Variants in NFIB observed in about 807,000 individuals in gnomAD.
NFIB encodes nuclear factor 1 B-type.
NFIB carries 11 observed loss-of-function variants against 61.5 expected under a neutral mutation model. The ratio of observed to expected loss-of-function variants is 0.18; its 90% CI spans 0.11 to 0.30. The LOEUF is 0.30. Among genes scored for constraint, NFIB ranks in the 10% least tolerant of loss-of-function variants. The probability of loss-of-function intolerance (pLI) is 1.00; values close to 1 mark genes in which losing one functional copy is unlikely to be tolerated. For missense variants in NFIB, 471 were observed against 608.9 expected (o/e 0.77, Z 2.38); for synonymous variants, 260 against 216.5 (o/e 1.20, Z -1.76).
At chr9:14,276,831 T>C (rs1563967659) in intron 2 of NFIB, among the ~76,000 whole-genome samples, 2 of 152,230 alleles carry the variant, frequency 1.3e-5, no homozygotes, top group South Asian at 4.1e-4. Flanking sequence ...CACCTAAATA[T>C]CTTCAAGTAT....
At chr9:14,464,288 T>C in the NFIB span, among the ~76,000 whole-genome samples, 2 of 152,214 alleles carry the variant, frequency 1.3e-5, no homozygotes, top group Admixed American at 6.5e-5. Context: ...ATTCCATCGA[T>C]TCAGCTTATC....
chr9:14,174,334 G>A (rs1030834484), intron 3 of NFIB, among the ~76,000 whole-genome samples: 5 of 152,046 alleles, frequency 3.3e-5, no homozygotes, highest in Admixed American at 6.6e-5. Context: ...ATTTATAGTC[G>A]AATGCACATT....
intron 2 of NFIB, among the ~76,000 whole-genome samples, chr9:14,271,018 C>A (rs1184780048): frequency 6.6e-6 from 1 of 152,042 alleles, no homozygotes; most frequent in African/African-American, 2.4e-5. Context: ...AGGGTCTCCT[C>A]CACCCCCATC....
chr9:14,142,605 G>A (rs1402905444), intron 6 of NFIB, among the ~76,000 whole-genome samples: 1 of 151,742 alleles, frequency 6.6e-6, no homozygotes, highest in Admixed American at 6.6e-5. Flanking sequence ...TTCAAAAAAA[G>A]TACATCAACT....
chr9:14,474,730 C>A, the NFIB span, among the ~76,000 whole-genome samples: 2 of 152,130 alleles, frequency 1.3e-5, no homozygotes, highest in South Asian at 4.1e-4. Context: ...ATAGACATTC[C>A]CATTCCAAAA....
At chr9:14,413,654 T>G in the NFIB span, among the ~76,000 whole-genome samples, 1 of 152,154 alleles carries the variant, frequency 6.6e-6, no homozygotes, top group Non-Finnish European at 1.5e-5. Flanking sequence ...TGGGAATGCT[T>G]GATTACATTT....
the NFIB span, among the ~76,000 whole-genome samples, chr9:14,413,907 A>G: frequency 2.0e-5 from 3 of 152,226 alleles, no homozygotes; most frequent in African/African-American, 7.2e-5. Context: ...GACAAATAGA[A>G]ACAACATGCA....
At chr9:14,374,356 G>A (rs567070738) in intron 1 of NFIB, among the ~76,000 whole-genome samples, 1 of 152,298 alleles carries the variant, frequency 6.6e-6, no homozygotes, top group African/African-American at 2.4e-5. Flanking sequence ...TATTTTAAAT[G>A]GGACACCCCA....
intron 4 of NFIB, among the ~76,000 whole-genome samples, chr9:14,153,705 G>A (rs978542074): frequency 6.6e-6 from 1 of 152,082 alleles, no homozygotes; most frequent in Non-Finnish European, 1.5e-5. Context: ...TAAAACCCTA[G>A]AGGACTGAAA....
intron 2 of NFIB, among the ~76,000 whole-genome samples, chr9:14,186,926 T>G (rs2047391562): frequency 6.6e-6 from 1 of 151,992 alleles, no homozygotes; most frequent in Admixed American, 6.6e-5. Context: ...GAAAACTGAG[T>G]GTTTTCCTTG....
chr9:14,172,331 T>A (rs1458309565), intron 3 of NFIB, among the ~76,000 whole-genome samples: 1 of 151,850 alleles, frequency 6.6e-6, no homozygotes, highest in East Asian at 1.9e-4. Flanking sequence ...TAGGAATCAG[T>A]GAAATAAGAG....
At chr9:14,300,968 G>A (rs10961467) in intron 2 of NFIB, among the ~76,000 whole-genome samples, 1 of 152,158 alleles carries the variant, frequency 6.6e-6, no homozygotes, top group East Asian at 1.9e-4. Flanking sequence ...AGTTAATGGA[G>A]GATTACAACT....
intron 2 of NFIB, among the ~76,000 whole-genome samples, chr9:14,290,485 A>G (rs1453157619): frequency 6.6e-6 from 1 of 152,034 alleles, no homozygotes; most frequent in Non-Finnish European, 1.5e-5. Flanking sequence ...AATAAAGTGC[A>G]TGCCTACTCC....
chr9:14,350,111 C>G (rs1564024782), intron 1 of NFIB, among the ~76,000 whole-genome samples: 1 of 152,118 alleles, frequency 6.6e-6, no homozygotes, highest in African/African-American at 2.4e-5. Flanking sequence ...CCTGGGAAAC[C>G]CGGAGTATTT....
intron 2 of NFIB, 39 bp from the exon 3 acceptor site, chr9:14,179,819 G>T (rs751065694): frequency 1.9e-6 from 3 of 1,599,788 alleles, no homozygotes; most frequent in Non-Finnish European, 2.6e-6. Flanking sequence ...TTTTTAATTT[G>T]TTTTGAAAGA....
At chr9:14,116,084 G>T in intron 9 of NFIB, 124 bp downstream of exon 9, 1 of 1,179,556 alleles carries the variant, frequency 8.5e-7, no homozygotes. Flanking sequence ...TCTCCATCTG[G>T]TCAGGTAGCT....
upstream of NFIB, among the ~76,000 whole-genome samples, chr9:14,399,379 A>G (rs2133050791): frequency 6.6e-6 from 1 of 152,358 alleles, no homozygotes; most frequent in Non-Finnish European, 1.5e-5. Context: ...TGCAGCTGAC[A>G]TTAACACAGG....
chr9:14,410,513 T>C, the NFIB span, among the ~76,000 whole-genome samples: 3 of 152,224 alleles, frequency 2.0e-5, no homozygotes, highest in Non-Finnish European at 4.4e-5. Context: ...AGAGCATGAT[T>C]ACCTTTGCCT....
intron 1 of NFIB, among the ~76,000 whole-genome samples, chr9:14,310,982 A>G (rs2060253136): frequency 6.6e-6 from 1 of 152,134 alleles, no homozygotes. Flanking sequence ...AAGAACTTAA[A>G]AGCAACGAAA....
Sources: allele counts gnomAD v4.1 joint callset (sites outside exome capture counted in the v4.1 genomes callset), GRCh38; gene constraint gnomAD v4.1.1; transcripts MANE v1.5; gene names NCBI Gene and HGNC (gene_info 2026-07-23, HGNC 2026-07-21).